The following LPP variants were observed in gnomAD, a reference collection of about 807,000 sequenced individuals.
The protein encoded by LPP is lipoma-preferred partner.
A neutral mutation model predicts 60.4 loss-of-function variants in LPP; 38 were observed. That is an observed-to-expected ratio of 0.63 (90% CI 0.49 to 0.83). The LOEUF is 0.83. LPP is among the 40% of genes least tolerant of loss of function. The pLI, the probability that LPP is intolerant of heterozygous loss-of-function variation, is 0.00. For missense variants in LPP, 902 were observed against 783.6 expected, an observed-to-expected ratio of 1.15 and a Z score of -1.80; for synonymous variants, 328 against 290.8, an observed-to-expected ratio of 1.13 and a Z score of -1.30.
chr3:188,270,600 A>AAAGAGG (rs1219052569), intron 2 of LPP, among the ~76,000 whole-genome samples: 1 of 152,206 alleles, frequency 6.6e-6, no homozygotes, highest in Non-Finnish European at 1.5e-5. Flanking sequence ...TATATGGCGA[A>AAAGAGG]AAGAGGAACA....
At chr3:188,361,510 C>CCCTCT (rs1335595790) in intron 3 of LPP, among the ~76,000 whole-genome samples, 13,779 of 82,264 alleles carry the variant, frequency 0.17, 1,642 homozygotes, top group East Asian at 0.33. Flanking sequence ...TTTTCCTTTT[C>CCCTCT]CCTCTCCTCT....
At chr3:188,867,265 T>TTA (rs911049135) in intron 10 of LPP, among the ~76,000 whole-genome samples, 1 of 148,184 alleles carries the variant, frequency 6.7e-6, no homozygotes, top group African/African-American at 2.5e-5. Flanking sequence ...ATATATATGT[T>TTA]TATATATATA....
intron 2 of LPP, among the ~76,000 whole-genome samples, chr3:188,297,704 G>T (rs1748395053): frequency 6.6e-6 from 1 of 152,130 alleles, no homozygotes; most frequent in Admixed American, 6.6e-5. Flanking sequence ...GGACACTGGG[G>T]CTAGGTTTCA....
Position 188,889,729 on chromosome 3 carries a change from A to G in LPP, c.*15250A>G, listed in dbSNP as rs192006009. ...AGCTACGGGTGAGGTTGGAACAGCTATGTTTCATAATTTCAAGAGTGTGAC... is the reference window on the plus strand; with the variant it reads ...AGCTACGGGTGAGGTTGGAACAGCTGTGTTTCATAATTTCAAGAGTGTGAC... On this transcript the variant is annotated 3_prime_UTR_variant, in exon 12 of 12. Transcript: ENST00000617246. 5.0e-5 allele frequency: 11 copies of G among 219,184 alleles called. No homozygotes were observed. The highest frequency in any genetic ancestry group is 2.0e-4 in the African/African-American group (9 of 44,726). The allele number at this position is 219,184 out of a possible 1,614,324, so 13.6% of individuals were successfully genotyped here.
In LPP at chr3:188,685,341, A is replaced by G. The variant is rs184940380; in HGVS notation, c.1114-22926A>G. 6.6e-3 allele frequency among the ~76,000 whole-genome samples: 1,008 copies of G among 152,192 alleles called. 11 individuals are homozygous for G. Among genetic ancestry groups the G allele is most frequent in the African/African-American group, 0.023 (964 of 41,520 alleles). On this transcript the variant is annotated intron_variant, in intron 7 of 11. Transcript: ENST00000617246. ...AGAGAATGGCTGGCTGTTGGTGTTC[A>G]CAGCCGTGAGCATAGTGTGGTCCAC...
intron 3 of LPP, among the ~76,000 whole-genome samples, chr3:188,390,696 A>G (rs1779489412): frequency 6.6e-6 from 1 of 151,890 alleles, no homozygotes; most frequent in East Asian, 1.9e-4. Context: ...ACACATAAGG[A>G]AATTAGTGGC....
At chr3:188,411,202 A>T (rs1784812897) in intron 4 of LPP, among the ~76,000 whole-genome samples, 2 of 152,170 alleles carry the variant, frequency 1.3e-5, no homozygotes, top group Admixed American at 1.3e-4. Flanking sequence ...GGAAATGCAA[A>T]TTAAAACCAC....
rs546587857 is a variant in LPP at position 188,714,445 on chromosome 3, A to G, written c.1240+6052A>G. On this transcript the variant is annotated intron_variant, in intron 8 of 11. Transcript: ENST00000617246. ...TAGGAAGACCGTCTACCGAATACCT[A>G]CCTATCAGCCATTTTGCAGTCTGTA... 4.6e-5 allele frequency among the ~76,000 whole-genome samples: 7 copies of G among 152,238 alleles called. No homozygotes were observed. The South Asian group carries it at 1.2e-3, about 27-fold the overall frequency.
At chr3:188,835,200 T>C (rs1381919912) in intron 9 of LPP, among the ~76,000 whole-genome samples, 1 of 151,764 alleles carries the variant, frequency 6.6e-6, no homozygotes, top group Non-Finnish European at 1.5e-5. Context: ...GGCTCACTCC[T>C]GTAATCCTAG....
At chr3:188,679,034 A>C (rs1050882505) in intron 7 of LPP, among the ~76,000 whole-genome samples, 2 of 152,210 alleles carry the variant, frequency 1.3e-5, no homozygotes, top group Non-Finnish European at 2.9e-5. Flanking sequence ...AAATGTTAAC[A>C]TGTGCTCTGG....
intron 1 of LPP, among the ~76,000 whole-genome samples, chr3:188,220,675 C>G (rs753199184): frequency 6.6e-6 from 1 of 152,222 alleles, no homozygotes; most frequent in Non-Finnish European, 1.5e-5. Context: ...CCAGCTTCTT[C>G]TGATTCAAGG....
chr3:188,536,940 C>G (rs1458342652), intron 6 of LPP, among the ~76,000 whole-genome samples: 1 of 152,190 alleles, frequency 6.6e-6, no homozygotes, highest in East Asian at 1.9e-4. Context: ...TTCTTCTTGG[C>G]TCTCTCCGTC....
chr3:188,722,624 A>G (rs1459325498), intron 8 of LPP, among the ~76,000 whole-genome samples: 1 of 152,232 alleles, frequency 6.6e-6, no homozygotes, highest in Non-Finnish European at 1.5e-5. Flanking sequence ...TAACATATCC[A>G]TGGACAAGTC....
chr3:188,457,328 A>G (rs1347772145), intron 4 of LPP, among the ~76,000 whole-genome samples: 5 of 152,172 alleles, frequency 3.3e-5, no homozygotes, highest in Non-Finnish European at 7.4e-5. Context: ...TGTACAGCTA[A>G]CTAATGTAAT....
intron 3 of LPP, among the ~76,000 whole-genome samples, chr3:188,381,885 T>C (rs1776997425): frequency 4.6e-5 from 7 of 152,128 alleles, no homozygotes; most frequent in Admixed American, 1.3e-4. Flanking sequence ...AGACTCAAGC[T>C]ATCCTCTCAC....
chr3:188,849,837 C>T (rs1762323049), intron 9 of LPP, among the ~76,000 whole-genome samples: 1 of 152,156 alleles, frequency 6.6e-6, no homozygotes, highest in African/African-American at 2.4e-5. Context: ...TACCAGTTTC[C>T]TTCTTTCTCC....
chr3:188,462,584 ATGCATGTGTGTGTG>A (rs1560436494), intron 4 of LPP, among the ~76,000 whole-genome samples: 6 of 20,080 alleles, frequency 3.0e-4, no homozygotes, highest in African/African-American at 4.2e-4. Context: ...ATATATATAT[ATGCATGTGTGTGTG>A]TGTGTGTGTG....
chr3:188,438,782 A>T (rs1325332712), intron 4 of LPP, among the ~76,000 whole-genome samples: 2 of 152,226 alleles, frequency 1.3e-5, no homozygotes, highest in South Asian at 4.1e-4. Flanking sequence ...TGAGCAGAGG[A>T]TAGGACACTT....
Position 188,610,456 on chromosome 3 carries a change from A to G in LPP, c.1113+612A>G, listed in dbSNP as rs1244317210. On this transcript the variant is annotated intron_variant, in intron 7 of 11. Coordinates refer to ENST00000617246, the MANE Select transcript of LPP (RefSeq NM_001375462.1). The surrounding 1 kb of genome is among the most constrained non-coding windows in gnomAD (Gnocchi z 4.4). ...CTAAGATAATGCAAATGCCTTGGAC[A>G]GTTTCTCCTTTGAGAAGGGGCTGCA... 6.6e-6 allele frequency among the ~76,000 whole-genome samples: 1 copy of G among 152,256 alleles called. No homozygotes were observed.
Sources: gnomAD v4.1 joint callset for allele counts (sites outside exome capture counted in the v4.1 genomes callset) on GRCh38, gnomAD v4.1.1 for gene constraint, Gnocchi (gnomAD v3.1) non-coding constraint, MANE v1.5 for transcripts, NCBI Gene and HGNC (gene_info 2026-07-23, HGNC 2026-07-21) for gene names.